OXR1: variants seen among roughly 807,000 people sequenced by gnomAD.
The protein encoded by OXR1 is oxidation resistance 1, also known as oxidation resistance protein 1.
OXR1 carries 41 observed loss-of-function variants against 104.6 expected under a neutral mutation model. The ratio of observed to expected loss-of-function variants is 0.39; its 90% CI spans 0.31 to 0.51. OXR1 has a LOEUF of 0.51. OXR1 is among the 20% of genes least tolerant of loss of function. OXR1 has a pLI of 0.77. For missense variants in OXR1, 955 were observed against 1,031.9 expected, an observed-to-expected ratio of 0.93 and a Z score of 1.02; for synonymous variants, 348 against 348.4, an observed-to-expected ratio of 1.00 and a Z score of 0.01.
intron 1 of OXR1, among the ~76,000 whole-genome samples, chr8:106,285,731 A>G (rs1184031254): frequency 3.3e-5 from 5 of 152,130 alleles, no homozygotes; most frequent in African/African-American, 1.2e-4. Context: ...GGAGGTGACT[A>G]GAGCAGTTGC....
chr8:106,515,675 T>C (rs1273282330), intron 2 of OXR1, among the ~76,000 whole-genome samples: 1 of 152,184 alleles, frequency 6.6e-6, no homozygotes, highest in Non-Finnish European at 1.5e-5. Flanking sequence ...CTGCTTTTTT[T>C]ATTATTAATC....
chr8:106,628,061 G>T (rs1433947956), intron 3 of OXR1, among the ~76,000 whole-genome samples: 2 of 151,990 alleles, frequency 1.3e-5, no homozygotes, highest in East Asian at 3.9e-4. Flanking sequence ...AAATTCATTG[G>T]TTCTCTCCTT....
intron 3 of OXR1, among the ~76,000 whole-genome samples, chr8:106,611,945 A>AC (rs1416862262): frequency 1.3e-5 from 2 of 151,980 alleles, no homozygotes; most frequent in African/African-American, 4.8e-5. Context: ...TAAAAACAAA[A>AC]AAAAAATAGG....
intron 7 of OXR1, among the ~76,000 whole-genome samples, chr8:106,696,756 C>A (rs1830074488): frequency 6.6e-6 from 1 of 151,842 alleles, no homozygotes; most frequent in Non-Finnish European, 1.5e-5. Flanking sequence ...ATGACAAATT[C>A]TTTAAATCGA....
intron 3 of OXR1, among the ~76,000 whole-genome samples, chr8:106,668,498 A>G (rs971282436): frequency 7.9e-5 from 12 of 152,218 alleles, no homozygotes; most frequent in Non-Finnish European, 1.8e-4. Context: ...TCTGGAATAC[A>G]TGTTGATGGA....
chr8:106,658,142 C>G (rs1264888415), intron 3 of OXR1: 1 of 1,245,922 alleles, frequency 8.0e-7, no homozygotes. Flanking sequence ...GGTGCGGGTC[C>G]CCGCCCCACC....
intron 1 of OXR1, 127 bp from the exon 2 acceptor site, chr8:106,359,349 A>T (rs1453729686): frequency 5.3e-6 from 2 of 377,924 alleles, no homozygotes; most frequent in Non-Finnish European, 9.6e-6. Flanking sequence ...TTATATTTTA[A>T]GAAAAAGATC....
Position 106,487,280 on chromosome 8 carries a change from TC to T in OXR1, c.24-31660del, listed in dbSNP as rs1292833093. Reference sequence around the variant, plus strand: ...CTCAGGTGATCTGCCCGCCTCGGCCTCCCAAAGTTCTGGGATTACAGATGTG... The same window carrying T: ...CTCAGGTGATCTGCCCGCCTCGGCCTCCAAAGTTCTGGGATTACAGATGTG... On this transcript the variant is annotated intron_variant, in intron 2 of 16. Coordinates refer to ENST00000517566, the MANE Select transcript of OXR1 (RefSeq NM_001198533.2). Among the ~76,000 whole-genome samples, 3 of 150,006 alleles carry T rather than the reference TC, an allele frequency of 2.0e-5. No individual in the cohort carries two copies. In the East Asian group the frequency reaches 5.9e-4, roughly 30 times the overall value.
chr8:106,585,441 A>C (rs1818559744), intron 3 of OXR1, among the ~76,000 whole-genome samples: 2 of 152,188 alleles, frequency 1.3e-5, no homozygotes, highest in Non-Finnish European at 2.9e-5. Context: ...TACCCAGATT[A>C]GAATTTCTCT....
In OXR1 at chr8:106,752,531, A is replaced by T. The variant is rs1835958773; in HGVS notation, c.*1590A>T. 6.6e-6 allele frequency: 1 copy of T among 152,500 alleles called. No homozygotes were observed. The highest frequency in any genetic ancestry group is 1.5e-5 in the Non-Finnish European group (1 of 67,940). 9.4% of individuals were successfully genotyped at this position (152,500 alleles called of 1,614,324 possible). A position where few individuals can be genotyped will look rare whatever the true frequency, so the allele number is the denominator to read the frequency against. On this transcript the variant is annotated 3_prime_UTR_variant, in exon 17 of 17. Coordinates refer to ENST00000517566, the MANE Select transcript of OXR1 (RefSeq NM_001198533.2). ...TAGATTAAATGTTTACAATATAGGG[A>T]ATTGTAAATAAATATATCAGTTTTT...
intron 11 of OXR1, among the ~76,000 whole-genome samples, chr8:106,722,841 C>T (rs550739862): frequency 9.2e-5 from 14 of 152,220 alleles, no homozygotes; most frequent in African/African-American, 3.4e-4. Context: ...TGTTGAGAAC[C>T]TGTATAGTTA....
chr8:106,378,447 A>G (rs1816996933), intron 2 of OXR1, among the ~76,000 whole-genome samples: 1 of 152,164 alleles, frequency 6.6e-6, no homozygotes, highest in Non-Finnish European at 1.5e-5. Context: ...GCAGGACTCT[A>G]TTAATGTCTC....
chr8:106,654,052 C>T (rs1427885654), intron 3 of OXR1, among the ~76,000 whole-genome samples: 1 of 152,036 alleles, frequency 6.6e-6, no homozygotes, highest in East Asian at 1.9e-4. Flanking sequence ...CAAAACATTG[C>T]TGAAAGCAAC....
chr8:106,444,135 C>T (rs917773887), intron 2 of OXR1, among the ~76,000 whole-genome samples: 7 of 152,154 alleles, frequency 4.6e-5, no homozygotes, highest in African/African-American at 1.4e-4. Context: ...ATCAAAACCA[C>T]GATGAGATAC....
chr8:106,438,536 T>A (rs1434097376), intron 2 of OXR1, among the ~76,000 whole-genome samples: 1 of 152,178 alleles, frequency 6.6e-6, no homozygotes, highest in Non-Finnish European at 1.5e-5. Context: ...ATATATGGCT[T>A]ATATGATATG....
intron 2 of OXR1, among the ~76,000 whole-genome samples, chr8:106,464,282 T>TGG (rs201082160): frequency 0.019 from 2,890 of 152,144 alleles, 77 homozygotes; most frequent in South Asian, 0.084. Flanking sequence ...GTGATGGAGA[T>TGG]ATTTTTATTC....
chr8:106,364,086 C>T (rs1177094403), intron 2 of OXR1, among the ~76,000 whole-genome samples: 1 of 151,972 alleles, frequency 6.6e-6, no homozygotes, highest in South Asian at 2.1e-4. Flanking sequence ...CAAAATATTC[C>T]GTTTTGCATG....
chr8:106,534,171 A>G (rs1814307312), intron 3 of OXR1, among the ~76,000 whole-genome samples: 1 of 152,176 alleles, frequency 6.6e-6, no homozygotes, highest in African/African-American at 2.4e-5. Flanking sequence ...TTTTTTCTGC[A>G]TTTGTAACGA....
intron 2 of OXR1, among the ~76,000 whole-genome samples, chr8:106,423,988 A>G (rs1213918577): frequency 6.6e-6 from 1 of 152,070 alleles, no homozygotes; most frequent in African/African-American, 2.4e-5. Context: ...CTAGGCTGGA[A>G]TGCAGTGGCA....
Sources: allele counts gnomAD v4.1 joint callset (sites outside exome capture counted in the v4.1 genomes callset), GRCh38; gene constraint gnomAD v4.1.1; transcripts MANE v1.5; gene names NCBI Gene and HGNC (gene_info 2026-07-23, HGNC 2026-07-21).